LVRN: variants seen among roughly 807,000 people sequenced by gnomAD.
LVRN encodes laeverin.
A neutral mutation model predicts 111.4 loss-of-function variants in LVRN; 99 were observed. That is an observed-to-expected ratio of 0.89 (90% CI 0.76 to 1.05). LVRN has a LOEUF of 1.05. Ranked by LOEUF, LVRN falls within the 50% of genes least tolerant of loss-of-function variation. The pLI is 0.00. For synonymous variants in LVRN, 488 were observed against 449.5 expected (o/e 1.09, Z -1.08); for missense variants, 1,414 against 1,206.8 (o/e 1.17, Z -2.54).
rs757569091 is a variant in LVRN at position 115,987,834 on chromosome 5, G to A, written c.1000G>A (p.Asp334Asn). 1 of 1,612,822 alleles carries A rather than the reference G, an allele frequency of 6.2e-7. No homozygotes were observed. Among genetic ancestry groups the A allele is most frequent in the East Asian group, 2.2e-5 (1 of 44,754 alleles). The part of the protein sequence containing the change: ...GKEIRIWARK[D>N]AIANGSADFA... ...TTAGATACGCATCTGGGCCCGGAAA[G>A]ATGCAATTGCAAATGGAAGTGCAGA... Residue 334 changes from aspartate (D) to asparagine (N), a missense_variant, in exon 4 of 20, where the codon GAT (aspartate) becomes AAT (asparagine). Transcript: ENST00000357872.
intron 3 of LVRN, among the ~76,000 whole-genome samples, chr5:115,985,259 G>C (rs946468458): frequency 1.3e-5 from 2 of 152,136 alleles, no homozygotes; most frequent in Admixed American, 1.3e-4. Flanking sequence ...AATGCAGAAG[G>C]AGCTGAGAAA....
chr5:115,964,324 A>G (rs1242578960), intron 1 of LVRN, among the ~76,000 whole-genome samples: 2 of 152,210 alleles, frequency 1.3e-5, no homozygotes, highest in Non-Finnish European at 2.9e-5. Flanking sequence ...TACACCCTGC[A>G]CCATCTCCTG....
chr5:116,004,334 G>C (rs1367633127), intron 12 of LVRN, among the ~76,000 whole-genome samples: 1 of 152,182 alleles, frequency 6.6e-6, no homozygotes, highest in East Asian at 1.9e-4. Flanking sequence ...AGTGGAGCTG[G>C]ACGCCAGCTT....
intron 6 of LVRN, among the ~76,000 whole-genome samples, chr5:115,997,604 C>T (rs960320566): frequency 4.0e-5 from 6 of 151,412 alleles, no homozygotes; most frequent in African/African-American, 1.5e-4. Context: ...ATTGAAGCTG[C>T]GGCGAGCTAT....
chr5:116,019,550 T>C lies in LVRN; in HGVS notation c.2757-2841T>C, dbSNP rs111510011. Among the ~76,000 whole-genome samples the C allele has an allele frequency of 7.6e-3, 1,163 of 152,380 alleles. 11 individuals carry two copies. The highest frequency in any genetic ancestry group is 0.023 in the African/African-American group (951 of 41,586). ...TACAGAATACTTTCATCCTTCCCTCTGCCCATAGTCAGTTGCTTTTTTATG... is the reference window on the plus strand; with the variant it reads ...TACAGAATACTTTCATCCTTCCCTCCGCCCATAGTCAGTTGCTTTTTTATG... On this transcript the variant is annotated intron_variant, in intron 18 of 19. Coordinates refer to ENST00000357872, the MANE Select transcript of LVRN (RefSeq NM_173800.5).
In LVRN at chr5:116,026,016, G is replaced by C; in HGVS notation, c.2871G>C (p.Gln957His). Residue 957 changes from glutamine to histidine, a missense_variant, in exon 20 of 20, where the codon CAG (glutamine) becomes CAC (histidine). Transcript: ENST00000357872. ...QFFSNMLEEH[Q>H]RIRVHANLQT... The stretch of plus-strand genomic sequence containing the variant: ...TCAGTAACATGTTGGAGGAACACCA[G>C]AGGATCAGAGTTCATGCCAACTTAC... 6.2e-7 allele frequency: 1 copy of C among 1,613,892 alleles called. No individual in the cohort carries two copies. The highest frequency in any genetic ancestry group is 8.5e-7 in the Non-Finnish European group (1 of 1,179,870).
At chr5:116,005,815 T>C (rs1748356330) in intron 12 of LVRN, 97 bp from the exon 13 acceptor site, 2 of 981,522 alleles carry the variant, frequency 2.0e-6, no homozygotes, top group South Asian at 2.6e-5. Context: ...GAAGGTGCTT[T>C]ATAGGCAGCA....
intron 14 of LVRN, among the ~76,000 whole-genome samples, chr5:116,011,941 CT>C (rs201972187): frequency 6.6e-6 from 1 of 150,994 alleles, no homozygotes. Context: ...TAAACCAGTT[CT>C]TTTTTTTTGA....
At chr5:115,996,084 C>G (rs554167482) in intron 6 of LVRN, among the ~76,000 whole-genome samples, 2 of 152,298 alleles carry the variant, frequency 1.3e-5, no homozygotes, top group South Asian at 4.1e-4. Context: ...CTTTTATTCA[C>G]TCATGGTTAG....
chr5:115,965,599 C>T lies in LVRN; in HGVS notation c.695+2287C>T, dbSNP rs138028556. ...CTCATATGGTTTTGTTGTGTCCCCA[C>T]GCAAATCTCATCTTGAATTGTAGTT... On this transcript the variant is annotated intron_variant, in intron 1 of 19. Transcript: ENST00000357872. 2.2e-3 allele frequency among the ~76,000 whole-genome samples: 333 copies of T among 152,246 alleles called. 1 individual carries two copies. Among genetic ancestry groups the T allele is most frequent in the African/African-American group, 7.3e-3 (304 of 41,536 alleles).
In LVRN at chr5:115,983,357, C is replaced by G; in HGVS notation, c.766C>G (p.Leu256Val). 6.2e-7 allele frequency: 1 copy of G among 1,611,882 alleles called. No individual in the cohort carries two copies. The highest frequency in any genetic ancestry group is 8.5e-7 in the Non-Finnish European group (1 of 1,179,280). The change falls in exon 2 of 20, where the codon CTG (leucine) becomes GTG (valine). Residue 256 changes from leucine (L) to valine (V), a missense_variant. Transcript: ENST00000357872. ...TTTCCCTTGTTTTGATGAGCCAGCTCTGAAGGCAACTTTTAATATTACAAT... is the reference window on the plus strand; with the variant it reads ...TTTCCCTTGTTTTGATGAGCCAGCTGTGAAGGCAACTTTTAATATTACAAT... ...YVFPCFDEPA[L>V]KATFNITMIH...
At chr5:115,992,102 C>T in intron 4 of LVRN, 21 bp from the exon 5 acceptor site, 2 of 1,561,518 alleles carry the variant, frequency 1.3e-6, no homozygotes, top group Middle Eastern at 1.7e-4. Context: ...TTTATTTTCT[C>T]CTCCATTTAA....
chr5:116,002,992 T>A (rs1205442044), intron 11 of LVRN, 81 bp downstream of exon 11: 4 of 1,204,530 alleles, frequency 3.3e-6, no homozygotes. Flanking sequence ...GTCTAGCTTT[T>A]GAAAAGCCAT....
At chr5:116,001,534 G>T (rs1265649611) in intron 10 of LVRN, among the ~76,000 whole-genome samples, 1 of 152,158 alleles carries the variant, frequency 6.6e-6, no homozygotes, top group Non-Finnish European at 1.5e-5. Flanking sequence ...AATTACTTGG[G>T]ATTCTGAGTG....
chr5:116,010,870 C>G lies in LVRN; in HGVS notation c.2223C>G (p.Ile741Met), dbSNP rs141396333. The G allele has an allele frequency of 3.4e-5, 55 of 1,607,178 alleles. No individual in the cohort carries two copies. The African/African-American group carries it at 5.4e-4, about 16-fold the overall frequency. The change falls in exon 14 of 20, where the codon ATC becomes ATG. Residue 741 changes from isoleucine to methionine, a missense_variant. Coordinates refer to ENST00000357872, the MANE Select transcript of LVRN (RefSeq NM_173800.5). ...GGGATCTTGTTTCTGAGGTGAACAT[C>G]TATGATATATACTCATTATTAAAGG... ...VTRDLVSEVN[I>M]YDIYSLLKRY...
chr5:116,001,025 A>G (rs373569736), intron 9 of LVRN, 42 bp from the exon 10 acceptor site: 2 of 1,549,678 alleles, frequency 1.3e-6, no homozygotes, highest in Non-Finnish European at 1.7e-6. Context: ...AAAATGTTTC[A>G]CGGATAACCT....
At chr5:116,009,785 A>T (rs993330036) in intron 13 of LVRN, among the ~76,000 whole-genome samples, 3 of 152,174 alleles carry the variant, frequency 2.0e-5, no homozygotes, top group African/African-American at 7.2e-5. Flanking sequence ...CTTCTTATGG[A>T]TGAGCAAGGA....
chr5:115,971,864 G>A (rs1320433016), intron 1 of LVRN, among the ~76,000 whole-genome samples: 1 of 152,008 alleles, frequency 6.6e-6, no homozygotes, highest in Non-Finnish European at 1.5e-5. Flanking sequence ...AAAAGCACCT[G>A]CTGGGATTTT....
intron 15 of LVRN, among the ~76,000 whole-genome samples, chr5:116,013,568 G>C (rs1748535179): frequency 6.6e-6 from 1 of 152,122 alleles, no homozygotes; most frequent in South Asian, 2.1e-4. Flanking sequence ...GAGGGGGTGA[G>C]TAGAGTATGT....
Sources: gnomAD v4.1 joint callset for allele counts (sites outside exome capture counted in the v4.1 genomes callset) on GRCh38, gnomAD v4.1.1 for gene constraint, MANE v1.5 for transcripts, NCBI Gene and HGNC (gene_info 2026-07-23, HGNC 2026-07-21) for gene names.